PCDH15: variants seen among roughly 807,000 people sequenced by gnomAD.
PCDH15 encodes protocadherin-15.
PCDH15 carries 129 observed loss-of-function variants against 178.5 expected under a neutral mutation model. The ratio of observed to expected loss-of-function variants is 0.72; its 90% CI spans 0.63 to 0.84. The LOEUF (loss-of-function observed/expected upper bound fraction) is 0.84, where lower values mean the gene tolerates loss of function less well. Among genes scored for constraint, PCDH15 ranks in the 40% least tolerant of loss-of-function variants. PCDH15 has a pLI of 0.00. For missense variants in PCDH15, 2,230 were observed against 2,099.9 expected (o/e 1.06, Z -1.21); for synonymous variants, 800 against 732.0 (o/e 1.09, Z -1.50).
At chr10:53,982,993 T>C (rs114738011) in intron 21 of PCDH15, among the ~76,000 whole-genome samples, 210 of 152,180 alleles carry the variant, frequency 1.4e-3, no homozygotes, top group African/African-American at 4.9e-3. Context: ...AGCAATCACA[T>C]TGTAGCAGGG....
intron 1 of PCDH15, among the ~76,000 whole-genome samples, chr10:55,182,709 T>C (rs1041926940): frequency 1.3e-5 from 2 of 151,994 alleles, no homozygotes; most frequent in Non-Finnish European, 2.9e-5. Context: ...ACCGTTTTAA[T>C]GCATAGCAGC....
At chr10:54,298,345 T>C (rs906262607) in intron 8 of PCDH15, among the ~76,000 whole-genome samples, 3 of 152,134 alleles carry the variant, frequency 2.0e-5, no homozygotes, top group African/African-American at 7.2e-5. Flanking sequence ...GCAACCTTGG[T>C]GTTCTATAAT....
rs942760333 is a variant in PCDH15 at position 54,717,807 on chromosome 10, C to A, written c.-28-53517G>T. Among the ~76,000 whole-genome samples the A allele has an allele frequency of 4.2e-5, 6 of 143,196 alleles. 1 individual carries two copies. Among genetic ancestry groups the A allele is most frequent in the African/African-American group, 1.6e-4 (6 of 37,434 alleles). 93.9% of individuals were successfully genotyped at this position (143,196 alleles called of 152,430 possible). Reference sequence around the variant, plus strand: ...AATCATGCTGCTATAAAGACACATGCACACGTATGTTTACTGCGGCACTAT... The same window carrying A: ...AATCATGCTGCTATAAAGACACATGAACACGTATGTTTACTGCGGCACTAT... On this transcript the variant is annotated intron_variant, in intron 1 of 37. Transcript: ENST00000644397.
chr10:54,343,152 T>C (rs887463427), intron 6 of PCDH15, among the ~76,000 whole-genome samples: 6 of 152,134 alleles, frequency 3.9e-5, no homozygotes, highest in African/African-American at 1.2e-4. Context: ...GAGGCCATGG[T>C]TGGAATTATA....
chr10:55,084,488 T>C (rs1842116859), intron 2 of PCDH15, among the ~76,000 whole-genome samples: 1 of 144,136 alleles, frequency 6.9e-6, no homozygotes, highest in African/African-American at 2.6e-5. Flanking sequence ...AGAAAACTTT[T>C]GGAAAACTCT....
intron 2 of PCDH15, among the ~76,000 whole-genome samples, chr10:55,101,551 G>A (rs1288099479): frequency 2.0e-5 from 3 of 151,700 alleles, no homozygotes; most frequent in South Asian, 2.1e-4. Flanking sequence ...GTGTATTTTC[G>A]ACTACTTAAA....
intron 8 of PCDH15, among the ~76,000 whole-genome samples, chr10:54,240,626 CTTTT>C (rs1228784141): frequency 2.5e-5 from 2 of 79,684 alleles, no homozygotes; most frequent in Non-Finnish European, 4.5e-5. Context: ...TTTTCTTTTG[CTTTT>C]TTTTTTTTTT....
In PCDH15 at chr10:54,358,347, C is replaced by T. The variant is rs1220439424; in HGVS notation, c.474+10773G>A. Among the ~76,000 whole-genome samples, 30 of 151,900 alleles carry T rather than the reference C, an allele frequency of 2.0e-4. 1 individual carries two copies. The highest frequency in any genetic ancestry group is 5.8e-4 in the African/African-American group (24 of 41,426). ...AAAAACAACCCCATCAAAAAGTGGG[C>T]AAAGGACATGAACAGACACTTCTCA... On this transcript the variant is annotated intron_variant, in intron 5 of 37. Coordinates refer to ENST00000644397, the MANE Select transcript of PCDH15 (RefSeq NM_001384140.1).
At chr10:54,937,347 C>T (rs932308852) in intron 2 of PCDH15, among the ~76,000 whole-genome samples, 8 of 151,566 alleles carry the variant, frequency 5.3e-5, no homozygotes, top group African/African-American at 1.7e-4. Context: ...TCTGCAAGAA[C>T]AAAAAAAGCA....
chr10:55,328,171 G>A (rs1444237700), intron 2 of PCDH15, among the ~76,000 whole-genome samples: 1 of 151,602 alleles, frequency 6.6e-6, no homozygotes, highest in Non-Finnish European at 1.5e-5. Context: ...GTACAAAATT[G>A]TATATACACA....
chr10:55,209,815 G>A (rs1182152656), intron 1 of PCDH15, among the ~76,000 whole-genome samples: 1 of 152,030 alleles, frequency 6.6e-6, no homozygotes, highest in Non-Finnish European at 1.5e-5. Flanking sequence ...CTGGATATAA[G>A]CACTATGCTC....
Position 55,599,979 on chromosome 10 carries a change from A to G in PCDH15, c.-156+27646T>C, listed in dbSNP as rs79702543. 5,769 of 1,473,520 alleles carry G rather than the reference A, an allele frequency of 3.9e-3. 193 individuals are homozygous for G. In the African/African-American group the frequency reaches 0.068, roughly 17 times the overall value. 91.3% of individuals were successfully genotyped at this position (1,473,520 alleles called of 1,614,324 possible). A position where few individuals can be genotyped will look rare whatever the true frequency, so the allele number is the denominator to read the frequency against. ...CCTATGAAGAGGCGGGTATAAATAA[A>G]TAGGAGAAGACCCTGTGGAGCTTGA... On this transcript the variant is annotated intron_variant, in intron 2 of 5. Transcript: ENST00000613346.
chr10:54,469,015 A>C (rs988329013), intron 3 of PCDH15, among the ~76,000 whole-genome samples: 4 of 152,026 alleles, frequency 2.6e-5, no homozygotes, highest in Non-Finnish European at 4.4e-5. Flanking sequence ...ATCCCTTTAC[A>C]TTCAATCTAT....
chr10:54,329,482 G>C (rs1350516118), intron 7 of PCDH15, 114 bp downstream of exon 7: 1 of 754,438 alleles, frequency 1.3e-6, no homozygotes, highest in African/African-American at 1.7e-5. Context: ...GGGCAGGAGT[G>C]CCCTGATGAA....
chr10:54,028,600 A>C (rs1332115999), intron 18 of PCDH15, among the ~76,000 whole-genome samples: 1 of 148,978 alleles, frequency 6.7e-6, no homozygotes, highest in Non-Finnish European at 1.5e-5. Flanking sequence ...ATGGAATACT[A>C]TGCAGCCATA....
rs372294767 is a variant in PCDH15 at position 54,853,287 on chromosome 10, G to GTATATATA, written c.-29+44162_-29+44163insTATATATA. 9.3e-3 allele frequency among the ~76,000 whole-genome samples: 527 copies of GTATATATA among 56,462 alleles called. 2 individuals are homozygous for GTATATATA. The highest frequency in any genetic ancestry group is 0.012 in the South Asian group (17 of 1,382). The allele number at this position is 56,462 out of a possible 152,430, so 37.0% of individuals were successfully genotyped here. A position where few individuals can be genotyped will look rare whatever the true frequency, so the allele number is the denominator to read the frequency against. On this transcript the variant is annotated intron_variant, in intron 3 of 5. Coordinates refer to the PCDH15 transcript ENST00000458638. ...AATATATATATATGTGTATGTATGT[G>GTATATATA]TGTATATATATATATATATATATAT...
At chr10:54,819,260 C>A (rs1013243875) in intron 3 of PCDH15, among the ~76,000 whole-genome samples, 2 of 151,962 alleles carry the variant, frequency 1.3e-5, no homozygotes, top group Non-Finnish European at 2.9e-5. Context: ...ACCAACTCTG[C>A]AAATATTATA....
intron 3 of PCDH15, among the ~76,000 whole-genome samples, chr10:54,408,942 T>C (rs772770046): frequency 3.2e-4 from 48 of 152,106 alleles, no homozygotes; most frequent in Non-Finnish European, 6.0e-4. Context: ...TAAAATCTCA[T>C]CTCAAATTGT....
chr10:55,429,225 G>T (rs1838826594), intron 2 of PCDH15, among the ~76,000 whole-genome samples: 2 of 151,862 alleles, frequency 1.3e-5, no homozygotes, highest in East Asian at 1.9e-4. Flanking sequence ...AACTTGTTTT[G>T]CACAAAGGAA....
Sources: allele counts gnomAD v4.1 joint callset (sites outside exome capture counted in the v4.1 genomes callset), GRCh38; gene constraint gnomAD v4.1.1; transcripts MANE v1.5; gene names NCBI Gene and HGNC (gene_info 2026-07-23, HGNC 2026-07-21).